FOXN3: variants seen among roughly 807,000 people sequenced by gnomAD.
The protein encoded by FOXN3 is forkhead box protein N3.
Under a neutral mutation model 38.4 loss-of-function variants are expected in FOXN3, and 7 were observed. The ratio of observed to expected loss-of-function variants is 0.18; its 90% CI spans 0.10 to 0.34. The LOEUF (loss-of-function observed/expected upper bound fraction) is 0.34. Among genes scored for constraint, FOXN3 ranks in the 10% least tolerant of loss-of-function variants. The probability of loss-of-function intolerance (pLI) is 1.00; values close to 1 mark genes in which losing one functional copy is unlikely to be tolerated. For synonymous variants in FOXN3, 230 were observed against 242.2 expected (o/e 0.95, Z 0.47); for missense variants, 456 against 613.4 (o/e 0.74, Z 2.71).
chr14:89,353,970 G>A (rs562302982), intron 2 of FOXN3, among the ~76,000 whole-genome samples: 5 of 151,968 alleles, frequency 3.3e-5, no homozygotes, highest in African/African-American at 9.7e-5. Flanking sequence ...GCATTTTCAA[G>A]CATTTTCTTG....
intron 4 of FOXN3, among the ~76,000 whole-genome samples, chr14:89,220,199 A>T (rs1884421408): frequency 6.6e-6 from 1 of 152,146 alleles, no homozygotes; most frequent in African/African-American, 2.4e-5. Context: ...CCTTGGTTCC[A>T]ATTCAGACCA....
In FOXN3 at chr14:89,286,055, A is replaced by G. The variant is rs548262059; in HGVS notation, c.681-5041T>C. On this transcript the variant is annotated intron_variant, in intron 3 of 5. Coordinates refer to ENST00000557258, the MANE Select transcript of FOXN3 (RefSeq NM_005197.4). ...CTAAGTTTTTTTTGTTGTTGTTTGT[A>G]GGACAGGGTCTCACTATGTTGCTCA... Among the ~76,000 whole-genome samples, 227 of 151,720 alleles carry G rather than the reference A, an allele frequency of 1.5e-3. No homozygotes were observed. The East Asian group carries it at 0.017, about 11-fold the overall frequency.
At chr14:89,248,491 C>G (rs1050837162) in intron 4 of FOXN3, among the ~76,000 whole-genome samples, 1 of 152,238 alleles carries the variant, frequency 6.6e-6, no homozygotes, top group South Asian at 2.1e-4. Flanking sequence ...CAGCTTTAAG[C>G]TGACATGGGC....
intron 3 of FOXN3, among the ~76,000 whole-genome samples, chr14:89,345,961 G>A (rs757678249): frequency 2.6e-5 from 4 of 152,200 alleles, no homozygotes; most frequent in Non-Finnish European, 4.4e-5. Flanking sequence ...GCTGAAGCAG[G>A]AGAATCACTT....
intron 1 of FOXN3, among the ~76,000 whole-genome samples, chr14:89,557,592 G>A (rs941436485): frequency 6.6e-6 from 1 of 152,190 alleles, no homozygotes; most frequent in African/African-American, 2.4e-5. Flanking sequence ...TATTGGTGGG[G>A]CTTCAGCAGA....
Position 89,454,548 on chromosome 14 carries a change from CAG to C in FOXN3, c.-14-42060_-14-42059del, listed in dbSNP as rs559755317. 3.2e-3 allele frequency among the ~76,000 whole-genome samples: 490 copies of C among 152,282 alleles called. 5 individuals are homozygous for C. Among genetic ancestry groups the C allele is most frequent in the African/African-American group, 0.011 (458 of 41,558 alleles). ...AGGATTATTTCAGATTCATTTGTAA[CAG>C]AGAAAAACTGGATAAACATTCTCCT... On this transcript the variant is annotated intron_variant, in intron 1 of 6. Coordinates refer to the FOXN3 transcript ENST00000345097.
chr14:89,229,371 T>C (rs1884735887), intron 4 of FOXN3, among the ~76,000 whole-genome samples: 1 of 152,188 alleles, frequency 6.6e-6, no homozygotes, highest in Non-Finnish European at 1.5e-5. Context: ...AAAGTATTTA[T>C]TAAGCTCTTG....
intron 4 of FOXN3, among the ~76,000 whole-genome samples, chr14:89,247,379 G>A (rs1196588699): frequency 1.3e-5 from 2 of 152,170 alleles, no homozygotes; most frequent in African/African-American, 4.8e-5. Context: ...TGCTAGTGGA[G>A]CTTTCTGGAA....
intron 1 of FOXN3, among the ~76,000 whole-genome samples, chr14:89,461,726 T>C (rs1179003651): frequency 2.3e-4 from 35 of 152,120 alleles, no homozygotes; most frequent in Non-Finnish European, 5.9e-5. Context: ...GCCCCAGAGC[T>C]GGTGTAGTCA....
Position 89,616,428 on chromosome 14 carries a change from T to G in FOXN3, c.-15+2600A>C, listed in dbSNP as rs900049978. 7.9e-5 allele frequency among the ~76,000 whole-genome samples: 12 copies of G among 152,302 alleles called. No homozygotes were observed. The South Asian group carries it at 1.2e-3, about 16-fold the overall frequency. The stretch of plus-strand genomic sequence containing the variant: ...TTTTGAAACAGTTCTTATTTTCATT[T>G]AGATTTTCCTTTCCCTGGTTAGCCT... On this transcript the variant is annotated intron_variant, in intron 1 of 6. Coordinates refer to the FOXN3 transcript ENST00000345097.
Position 89,310,752 on chromosome 14 carries a change from G to T in FOXN3, c.681-29738C>A, listed in dbSNP as rs551763635. On this transcript the variant is annotated intron_variant, in intron 3 of 5. Transcript: ENST00000557258. ...TACCTAGTCTTATTTGGGGCTGGACGGCCTATCAGCATTCTACACTCGGCA... is the reference window on the plus strand; with the variant it reads ...TACCTAGTCTTATTTGGGGCTGGACTGCCTATCAGCATTCTACACTCGGCA... 1.8e-3 allele frequency among the ~76,000 whole-genome samples: 267 copies of T among 152,156 alleles called. 1 individual carries two copies. The highest frequency in any genetic ancestry group is 1.9e-3 in the Non-Finnish European group (129 of 68,000).
At chr14:89,293,916 G>C (rs534172505) in intron 3 of FOXN3, among the ~76,000 whole-genome samples, 27 of 152,228 alleles carry the variant, frequency 1.8e-4, no homozygotes, top group Non-Finnish European at 3.8e-4. Context: ...TCTGTTGAGG[G>C]AAGTAAAGTT....
intron 2 of FOXN3, among the ~76,000 whole-genome samples, chr14:89,378,374 CCTT>C (rs1218361808): frequency 1.3e-5 from 2 of 152,206 alleles, no homozygotes; most frequent in South Asian, 2.1e-4. Flanking sequence ...CCACAGGACT[CCTT>C]CTCTCAGAGC....
intron 3 of FOXN3, among the ~76,000 whole-genome samples, chr14:89,307,921 G>A (rs1887424727): frequency 6.6e-6 from 1 of 152,168 alleles, no homozygotes; most frequent in African/African-American, 2.4e-5. Context: ...AGATCTTCAA[G>A]TTTTGTCAGT....
At chr14:89,381,332 C>T (rs1328277912) in intron 2 of FOXN3, among the ~76,000 whole-genome samples, 6 of 151,806 alleles carry the variant, frequency 4.0e-5, no homozygotes, top group South Asian at 2.1e-4. Context: ...CAGGATACCT[C>T]GAACCCCGAG....
At position 89,533,625 on chromosome 14, in the gene FOXN3, G is replaced by A. The variant is rs549739170; in HGVS notation, c.-15+85403C>T. On this transcript the variant is annotated intron_variant, in intron 1 of 6. Coordinates refer to the FOXN3 transcript ENST00000345097. The stretch of plus-strand genomic sequence containing the variant: ...TGCAGTGAGCGGAGATCGCACCACT[G>A]CACTCCAGCCTGGGTGACAGAGGGA... 7.3e-4 allele frequency among the ~76,000 whole-genome samples: 90 copies of A among 123,086 alleles called. 1 individual carries two copies. The highest frequency in any genetic ancestry group is 6.8e-3 in the Middle Eastern group (1 of 148). 80.7% of individuals were successfully genotyped at this position (123,086 alleles called of 152,430 possible).
intron 2 of FOXN3, among the ~76,000 whole-genome samples, chr14:89,404,858 A>G (rs1261402526): frequency 6.6e-6 from 1 of 152,122 alleles, no homozygotes; most frequent in Non-Finnish European, 1.5e-5. Flanking sequence ...ACAAAATTAC[A>G]TGTTCCACCC....
At chr14:89,417,801 G>A (rs1237131601), upstream of FOXN3, 1 of 453,264 alleles carries the variant, frequency 2.2e-6, no homozygotes, top group Middle Eastern at 4.3e-4. Flanking sequence ...CCGGAGGTAA[G>A]CACCGCAGCG....
intron 1 of FOXN3, among the ~76,000 whole-genome samples, chr14:89,436,889 G>C (rs1270098245): frequency 3.3e-5 from 5 of 152,224 alleles, no homozygotes; most frequent in Non-Finnish European, 5.9e-5. Context: ...GCTCACACCT[G>C]TAATCCCAGC....
Sources: gnomAD v4.1 joint callset for allele counts (sites outside exome capture counted in the v4.1 genomes callset) on GRCh38, gnomAD v4.1.1 for gene constraint, MANE v1.5 for transcripts, NCBI Gene and HGNC (gene_info 2026-07-23, HGNC 2026-07-21) for gene names.